Variants in EYS observed in about 807,000 individuals in gnomAD.
EYS encodes the protein protein eyes shut homolog.
Under a neutral mutation model 282.1 loss-of-function variants are expected in EYS, and 250 were observed. The ratio of observed to expected loss-of-function variants is 0.89; its 90% CI spans 0.80 to 0.98. EYS has a LOEUF of 0.98. EYS is among the 50% of genes least tolerant of loss of function. The pLI, the probability that EYS is intolerant of heterozygous loss-of-function variation, is 0.00. For synonymous variants in EYS, 1,355 were observed against 1,282.9 expected (o/e 1.06, Z -1.20); for missense variants, 4,016 against 3,709.0 (o/e 1.08, Z -2.15).
At chr6:63,805,625 CCCACGCAAA>C (rs1770885438) in intron 37 of EYS, among the ~76,000 whole-genome samples, 1 of 152,136 alleles carries the variant, frequency 6.6e-6, no homozygotes, top group South Asian at 2.1e-4. Context: ...GTTTTGTGTT[CCCACGCAAA>C]CCTCATCTTG....
rs78632158 is a variant in EYS at position 65,524,194 on chromosome 6, A to T, written c.-332-28201T>A. On this transcript the variant is annotated intron_variant, in intron 2 of 42. Transcript: ENST00000503581. ...GCCAGAAGTCCAATTTTCCTATAGC[A>T]GTCAGAATTAATCACCCTGGCCTGC... Among the ~76,000 whole-genome samples, 1,408 of 152,128 alleles carry T rather than the reference A, an allele frequency of 9.3e-3. 57 individuals are homozygous for T. Among genetic ancestry groups the T allele is most frequent in the East Asian group, 0.071 (368 of 5,160 alleles).
At chr6:63,814,813 G>T (rs1771139040) in intron 36 of EYS, among the ~76,000 whole-genome samples, 1 of 152,096 alleles carries the variant, frequency 6.6e-6, no homozygotes, top group South Asian at 2.1e-4. Context: ...ACAGTTCATG[G>T]CCTAAGCTTT....
At chr6:63,845,867 T>C (rs1188524140) in intron 36 of EYS, among the ~76,000 whole-genome samples, 4 of 152,212 alleles carry the variant, frequency 2.6e-5, no homozygotes, top group Non-Finnish European at 5.9e-5. Flanking sequence ...GGAAATTGTA[T>C]AATTCCCTAG....
At chr6:64,181,773 T>C (rs1764794286) in intron 31 of EYS, among the ~76,000 whole-genome samples, 1 of 152,174 alleles carries the variant, frequency 6.6e-6, no homozygotes, top group Admixed American at 6.6e-5. Context: ...GCAAAGATTG[T>C]AATATTCAAC....
intron 4 of EYS, 149 bp from the exon 5 acceptor site, chr6:65,490,856 G>A (rs1766017175): frequency 6.6e-6 from 4 of 605,528 alleles, no homozygotes; most frequent in Non-Finnish European, 1.2e-5. Context: ...CATTTAAATT[G>A]AAATAAAAAT....
intron 5 of EYS, among the ~76,000 whole-genome samples, chr6:65,482,500 T>A (rs1165154202): frequency 6.6e-6 from 1 of 152,210 alleles, no homozygotes; most frequent in African/African-American, 2.4e-5. Flanking sequence ...GGATTAAAGT[T>A]CAATTATTAA....
intron 1 of EYS, among the ~76,000 whole-genome samples, chr6:65,704,377 TA>T (rs1769796294): frequency 6.6e-6 from 1 of 152,202 alleles, no homozygotes; most frequent in African/African-American, 2.4e-5. Context: ...CTAATAGTCT[TA>T]AACCACTGTG....
At chr6:64,546,045 A>G (rs1764851107) in intron 26 of EYS, among the ~76,000 whole-genome samples, 1 of 152,184 alleles carries the variant, frequency 6.6e-6, no homozygotes, top group African/African-American at 2.4e-5. Context: ...TGGAAACAAA[A>G]ATGAGCCCGC....
intron 18 of EYS, among the ~76,000 whole-genome samples, chr6:64,896,275 C>T (rs144253632): frequency 3.0e-4 from 46 of 152,136 alleles, no homozygotes; most frequent in Non-Finnish European, 5.0e-4. Flanking sequence ...GGGTACAGCC[C>T]ACGGAGGGCA....
intron 28 of EYS, among the ~76,000 whole-genome samples, chr6:64,392,719 T>G (rs2150429052): frequency 6.9e-6 from 1 of 145,508 alleles, no homozygotes; most frequent in East Asian, 2.1e-4. Flanking sequence ...TTAAAATAAC[T>G]AGAAAAGCAA....
chr6:65,651,564 A>G (rs1364824949), intron 1 of EYS, among the ~76,000 whole-genome samples: 1 of 152,090 alleles, frequency 6.6e-6, no homozygotes, highest in East Asian at 1.9e-4. Context: ...TTTTAAAAGC[A>G]TAAGACATCA....
chr6:64,362,777 G>A (rs1772059785), intron 29 of EYS, among the ~76,000 whole-genome samples: 1 of 151,582 alleles, frequency 6.6e-6, no homozygotes, highest in Admixed American at 6.6e-5. Flanking sequence ...TATTTACTTT[G>A]ATTTTTACTT....
intron 26 of EYS, among the ~76,000 whole-genome samples, chr6:64,470,651 G>A (rs1015596013): frequency 1.3e-5 from 2 of 152,112 alleles, no homozygotes; most frequent in African/African-American, 4.8e-5. Context: ...AATTACTGTT[G>A]GGCCACATCC....
rs144130846 is a variant in EYS, at chr6:64,286,863, A to G, written c.6191+20107T>C. 2.4e-3 allele frequency among the ~76,000 whole-genome samples: 363 copies of G among 152,246 alleles called. 1 individual carries two copies. The highest frequency in any genetic ancestry group is 8.4e-3 in the African/African-American group (348 of 41,570). ...TCAAGCAAACTATCAGTTTGTCTTTAGTGAATGAAGTCTTCTTTTATATAT... is the reference window on the plus strand; with the variant it reads ...TCAAGCAAACTATCAGTTTGTCTTTGGTGAATGAAGTCTTCTTTTATATAT... On this transcript the variant is annotated intron_variant, in intron 30 of 42. Transcript: ENST00000503581.
At chr6:64,305,416 C>G (rs1295432305) in intron 30 of EYS, among the ~76,000 whole-genome samples, 1 of 151,978 alleles carries the variant, frequency 6.6e-6, no homozygotes, top group Non-Finnish European at 1.5e-5. Flanking sequence ...TCAATGTACT[C>G]TGAACATACA....
At chr6:65,691,823 A>C (rs1769255732) in intron 1 of EYS, among the ~76,000 whole-genome samples, 1 of 150,252 alleles carries the variant, frequency 6.7e-6, no homozygotes. Flanking sequence ...TCCCAACACC[A>C]TTTATTAAAT....
intron 40 of EYS, among the ~76,000 whole-genome samples, chr6:63,775,880 T>C (rs1411706602): frequency 6.6e-6 from 1 of 152,188 alleles, no homozygotes; most frequent in Non-Finnish European, 1.5e-5. Context: ...TGTTTTAAGT[T>C]CAGGGATCTG....
Position 64,999,040 on chromosome 6 carries a change from CAG to C in EYS, c.2138-1339_2138-1338del, listed in dbSNP as rs147138931. On this transcript the variant is annotated intron_variant, in intron 13 of 42. Coordinates refer to ENST00000503581, the MANE Select transcript of EYS (RefSeq NM_001142800.2). ...TTTGAACAAACGAAGTGTCTGGAAA[CAG>C]ATTGTTAAAAAAATAAAGCATGCTT... 3.3e-3 allele frequency among the ~76,000 whole-genome samples: 501 copies of C among 152,172 alleles called. 4 individuals carry two copies. The highest frequency in any genetic ancestry group is 0.011 in the African/African-American group (466 of 41,530).
At chr6:64,171,867 T>C (rs947650127) in intron 31 of EYS, among the ~76,000 whole-genome samples, 1 of 152,202 alleles carries the variant, frequency 6.6e-6, no homozygotes, top group Admixed American at 6.5e-5. Context: ...ACAGCCGGGC[T>C]ATCACCTTTC....
Sources: gnomAD v4.1 joint callset for allele counts (sites outside exome capture counted in the v4.1 genomes callset) on GRCh38, gnomAD v4.1.1 for gene constraint, MANE v1.5 for transcripts, NCBI Gene and HGNC (gene_info 2026-07-23, HGNC 2026-07-21) for gene names.